Variants in ALCAM observed in about 807,000 individuals in gnomAD.
ALCAM encodes CD166 antigen.
ALCAM carries 30 observed loss-of-function variants against 70.9 expected under a neutral mutation model. The observed-to-expected ratio is 0.42, with a 90% CI of 0.32 to 0.57. The LOEUF (loss-of-function observed/expected upper bound fraction) is 0.57. Among genes scored for constraint, ALCAM ranks in the 20% least tolerant of loss-of-function variants. The pLI is 0.11. For missense variants in ALCAM, 591 were observed against 695.1 expected (o/e 0.85, Z 1.68); for synonymous variants, 249 against 242.5 (o/e 1.03, Z -0.25).
chr3:105,544,111 T>TAAGG (rs747135889), intron 8 of ALCAM, among the ~76,000 whole-genome samples: 40 of 151,642 alleles, frequency 2.6e-4, no homozygotes, highest in Non-Finnish European at 5.3e-4. Flanking sequence ...CAAGTCTTCA[T>TAAGG]ACTGTAGAAC....
chr3:105,452,104 T>A (rs1048933578), intron 1 of ALCAM, among the ~76,000 whole-genome samples: 4 of 152,106 alleles, frequency 2.6e-5, no homozygotes, highest in African/African-American at 9.7e-5. Context: ...TTTTTGGTTT[T>A]TTTTTCTTCC....
At position 105,416,041 on chromosome 3, in the gene ALCAM, G is replaced by T. The variant is rs576585435; in HGVS notation, c.73+48560G>T. Among the ~76,000 whole-genome samples the T allele has an allele frequency of 2.6e-5, 4 of 152,064 alleles. No individual in the cohort carries two copies. The South Asian group carries it at 8.3e-4, about 32-fold the overall frequency. ...GGATAAAGCTCTTTGGGGCAGTCTTGCAACTCTCTCCTTGTCCCCAAATTC... is the reference window on the plus strand; with the variant it reads ...GGATAAAGCTCTTTGGGGCAGTCTTTCAACTCTCTCCTTGTCCCCAAATTC... On this transcript the variant is annotated intron_variant, in intron 1 of 15. Coordinates refer to ENST00000306107, the MANE Select transcript of ALCAM (RefSeq NM_001627.4).
intron 3 of ALCAM, chr3:105,525,252 T>C (rs2152624644): frequency 1.0e-6 from 1 of 985,048 alleles, no homozygotes; most frequent in African/African-American, 1.7e-5. Context: ...TAGAAGAAAC[T>C]TGGAATAATT....
At chr3:105,398,415 T>C (rs963137783) in intron 1 of ALCAM, among the ~76,000 whole-genome samples, 2 of 152,108 alleles carry the variant, frequency 1.3e-5, no homozygotes, top group African/African-American at 4.8e-5. Context: ...AAATATAATT[T>C]TCAGAGATAA....
chr3:105,522,782 G>A (rs567378438), intron 2 of ALCAM, among the ~76,000 whole-genome samples: 18 of 152,184 alleles, frequency 1.2e-4, no homozygotes, highest in Non-Finnish European at 2.6e-4. Flanking sequence ...GTCTGTAGAT[G>A]AGGCTAATAT....
chr3:105,533,764 T>G, intron 5 of ALCAM, 74 bp downstream of exon 5: 1 of 1,419,124 alleles, frequency 7.0e-7, no homozygotes, highest in African/African-American at 1.4e-5. Context: ...TAGGTATTCT[T>G]TAAACCAGTG....
At chr3:105,558,010 C>A (rs1404258600) in intron 14 of ALCAM, among the ~76,000 whole-genome samples, 1 of 152,068 alleles carries the variant, frequency 6.6e-6, no homozygotes, top group African/African-American at 2.4e-5. Flanking sequence ...CTGCTGTCCT[C>A]CTCTAGTTTT....
chr3:105,537,473 A>G (rs982998666), intron 6 of ALCAM, among the ~76,000 whole-genome samples: 1 of 151,950 alleles, frequency 6.6e-6, no homozygotes, highest in Non-Finnish European at 1.5e-5. Context: ...CCCTCCCCCA[A>G]TTGCAGTATG....
At chr3:105,394,693 A>G (rs1935905503) in intron 1 of ALCAM, among the ~76,000 whole-genome samples, 1 of 151,956 alleles carries the variant, frequency 6.6e-6, no homozygotes, top group Non-Finnish European at 1.5e-5. Context: ...TTAGTACTAC[A>G]CAACTCCAAT....
At chr3:105,455,746 C>A (rs1480913566) in intron 1 of ALCAM, among the ~76,000 whole-genome samples, 1 of 152,208 alleles carries the variant, frequency 6.6e-6, no homozygotes, top group Non-Finnish European at 1.5e-5. Context: ...ACCCGATGAC[C>A]CAGAAGTTAC....
intron 5 of ALCAM, 92 bp downstream of exon 5, chr3:105,533,782 A>AACTGGTT (rs1381957530): frequency 2.0e-5 from 24 of 1,216,884 alleles, no homozygotes; most frequent in Admixed American, 9.8e-5. Context: ...GTGGTCTCCA[A>AACTGGTT]CCTTTTTGGC....
chr3:105,498,734 G>T (rs1375255465), intron 1 of ALCAM, among the ~76,000 whole-genome samples: 1 of 151,866 alleles, frequency 6.6e-6, no homozygotes, highest in Admixed American at 6.6e-5. Flanking sequence ...AAACCTTCAG[G>T]GGCACATGGT....
At chr3:105,537,260 C>T (rs143331964) in intron 6 of ALCAM, among the ~76,000 whole-genome samples, 2 of 152,260 alleles carry the variant, frequency 1.3e-5, no homozygotes, top group African/African-American at 4.8e-5. Context: ...CACCATTCCT[C>T]ATTGCCTCTA....
At chr3:105,560,275 T>C (rs1040946819) in intron 14 of ALCAM, among the ~76,000 whole-genome samples, 2 of 152,188 alleles carry the variant, frequency 1.3e-5, no homozygotes, top group Admixed American at 6.5e-5. Flanking sequence ...TTTTAACTTA[T>C]ATTTCCTTGA....
In ALCAM at chr3:105,397,535, TTAACA is replaced by T. The variant is rs1380503243; in HGVS notation, c.73+30063_73+30067del. 4.0e-5 allele frequency among the ~76,000 whole-genome samples: 6 copies of T among 151,860 alleles called. No homozygotes were observed. In the South Asian group the frequency reaches 6.2e-4, roughly 16 times the overall value. On this transcript the variant is annotated intron_variant, in intron 1 of 15. Transcript: ENST00000306107. Reference sequence around the variant, plus strand: ...ACTTATAGCTATCACTTCTTGTTATTTAACATAACATAATATATTCATGAATAGGT... The same window carrying T: ...ACTTATAGCTATCACTTCTTGTTATTTAACATAATATATTCATGAATAGGT...
intron 7 of ALCAM, 38 bp from the exon 8 acceptor site, chr3:105,541,595 C>T: frequency 1.2e-6 from 2 of 1,603,428 alleles, no homozygotes; most frequent in Non-Finnish European, 1.7e-6. Flanking sequence ...ATTGTAGCGA[C>T]CAAGTATAAT....
intron 14 of ALCAM, among the ~76,000 whole-genome samples, chr3:105,568,435 T>G (rs889367799): frequency 2.6e-5 from 4 of 152,138 alleles, no homozygotes; most frequent in Admixed American, 6.5e-5. Context: ...TTTCTGGGGT[T>G]TCAGTACCAA....
intron 14 of ALCAM, 28 bp from the exon 15 acceptor site, chr3:105,571,824 T>C (rs767891029): frequency 6.8e-7 from 1 of 1,470,466 alleles, no homozygotes; most frequent in South Asian, 1.2e-5. Context: ...TGTGTCAATA[T>C]GATGAAGTTT....
chr3:105,480,310 A>G (rs1938235847), intron 1 of ALCAM, among the ~76,000 whole-genome samples: 1 of 152,050 alleles, frequency 6.6e-6, no homozygotes, highest in Non-Finnish European at 1.5e-5. Flanking sequence ...AGATCACGCC[A>G]TTGCACTCCA....
Sources: allele counts gnomAD v4.1 joint callset (sites outside exome capture counted in the v4.1 genomes callset), GRCh38; gene constraint gnomAD v4.1.1; transcripts MANE v1.5; gene names NCBI Gene and HGNC (gene_info 2026-07-23, HGNC 2026-07-21).